The following DPY19L2 variants were observed in gnomAD, a reference collection of about 807,000 sequenced individuals.
DPY19L2 encodes the protein dpy-19 like 2, also known as probable C-mannosyltransferase DPY19L2.
DPY19L2 carries 34 observed loss-of-function variants against 97.9 expected under a neutral mutation model. That is an observed-to-expected ratio of 0.35 (90% CI 0.26 to 0.46). DPY19L2 has a LOEUF of 0.46. Among genes scored for constraint, DPY19L2 ranks in the 20% least tolerant of loss-of-function variants. The pLI is 1.00. For missense variants in DPY19L2, 623 were observed against 911.4 expected (o/e 0.68, Z 4.07); for synonymous variants, 230 against 307.9 (o/e 0.75, Z 2.65).
At chr12:63,578,527 T>G (rs1219306410) in intron 19 of DPY19L2, among the ~76,000 whole-genome samples, 1 of 152,144 alleles carries the variant, frequency 6.6e-6, no homozygotes, top group Non-Finnish European at 1.5e-5. Context: ...CCTGATGTGA[T>G]GATTACACAT....
intron 4 of DPY19L2, among the ~76,000 whole-genome samples, chr12:63,660,619 A>G (rs1392404926): frequency 1.3e-5 from 2 of 152,036 alleles, no homozygotes; most frequent in African/African-American, 4.8e-5. Flanking sequence ...GATCACACAT[A>G]TTTGAATATT....
In DPY19L2 at chr12:63,580,661, C is replaced by A; in HGVS notation, c.1900+1G>T. The A allele has an allele frequency of 6.2e-7, 1 of 1,608,276 alleles. No individual in the cohort carries two copies. Among genetic ancestry groups the A allele is most frequent in the Non-Finnish European group, 8.5e-7 (1 of 1,177,672 alleles). ...TAGCATATAACCAAATACCTACACA[C>A]CTGATGTGGTACTGTATTTGATCCA... On this transcript the variant is annotated splice_donor_variant, in intron 19 of 21. Transcript: ENST00000324472. LOFTEE classifies it high-confidence loss of function.
chr12:63,636,007 A>C (rs1455366562), intron 6 of DPY19L2, among the ~76,000 whole-genome samples: 2 of 152,138 alleles, frequency 1.3e-5, no homozygotes, highest in Non-Finnish European at 2.9e-5. Context: ...TGCAGGAAAA[A>C]ATGTAAAGGG....
intron 13 of DPY19L2, 136 bp downstream of exon 13, chr12:63,600,170 G>A: frequency 1.6e-6 from 1 of 615,490 alleles, no homozygotes; most frequent in Non-Finnish European, 2.8e-6. Context: ...TATTGACTCT[G>A]CCAATAACTC....
chr12:63,617,688 T>C (rs935881520), intron 10 of DPY19L2, among the ~76,000 whole-genome samples: 1 of 152,034 alleles, frequency 6.6e-6, no homozygotes, highest in Non-Finnish European at 1.5e-5. Context: ...GACTTAGTTA[T>C]AAATACCAGT....
intron 6 of DPY19L2, among the ~76,000 whole-genome samples, chr12:63,637,320 A>T (rs1891894347): frequency 6.6e-6 from 1 of 152,184 alleles, no homozygotes; most frequent in Admixed American, 6.5e-5. Context: ...CTAAATGCCC[A>T]CAAGAGAAAG....
intron 6 of DPY19L2, among the ~76,000 whole-genome samples, chr12:63,634,303 T>C (rs1200429107): frequency 6.6e-6 from 1 of 151,996 alleles, no homozygotes; most frequent in Non-Finnish European, 1.5e-5. Context: ...GGTAATAACA[T>C]GTAAGATATG....
chr12:63,616,370 T>G (rs546961710), intron 11 of DPY19L2, among the ~76,000 whole-genome samples: 190 of 152,214 alleles, frequency 1.2e-3, no homozygotes, highest in African/African-American at 3.9e-3. Flanking sequence ...GAAAGAGCAT[T>G]TTTTCTGGGA....
intron 11 of DPY19L2, among the ~76,000 whole-genome samples, chr12:63,612,715 G>A (rs1360632785): frequency 6.7e-6 from 1 of 150,132 alleles, no homozygotes; most frequent in Non-Finnish European, 1.5e-5. Flanking sequence ...AAAAGCAGTA[G>A]AGCAAATCAA....
chr12:63,665,716 G>C, intron 2 of DPY19L2, 119 bp downstream of exon 2: 4 of 816,492 alleles, frequency 4.9e-6, no homozygotes, highest in Admixed American at 3.0e-5. Flanking sequence ...GTATAAATTG[G>C]TGCACATAAA....
At chr12:63,594,021 A>G in intron 16 of DPY19L2, 66 bp downstream of exon 16, 12 of 1,154,888 alleles carry the variant, frequency 1.0e-5, no homozygotes, top group Non-Finnish European at 1.5e-5. Context: ...TTGAAAAATT[A>G]ATGTTACAGT....
At chr12:63,583,668 T>G in intron 17 of DPY19L2, 144 bp downstream of exon 17, 3 of 647,758 alleles carry the variant, frequency 4.6e-6, no homozygotes, top group Non-Finnish European at 8.0e-6. Flanking sequence ...GATGAAAGAG[T>G]GAGAAGGATC....
chr12:63,626,525 C>T lies in DPY19L2; in HGVS notation c.805G>A (p.Gly269Arg), dbSNP rs777119506. 6.7e-7 allele frequency: 1 copy of T among 1,501,978 alleles called. No homozygotes were observed. The highest frequency in any genetic ancestry group is 8.9e-7 in the Non-Finnish European group (1 of 1,124,006). The allele number at this position is 1,501,978 out of a possible 1,614,324, so 93.0% of individuals were successfully genotyped here. ...GTAATAAGACCTCCCAGTTGAGTCC[C>T]ACTGTAAAAAAAAAACAAAAAAAAC... Reference protein sequence around the residue: ...LFFMYGAYLSGTQLGGLITVL... With the variant: ...LFFMYGAYLSRTQLGGLITVL... Residue 269 changes from glycine to arginine, a missense_variant and splice_region_variant, in exon 7 of 22, where the codon GGG becomes AGG. By Grantham distance (125) the Gly-to-Arg change is moderately radical. This residue lies in a region of DPY19L2 where 67 missense variants were observed against 88.0 expected (regional missense o/e 0.76). Coordinates refer to ENST00000324472, the MANE Select transcript of DPY19L2 (RefSeq NM_173812.5).
intron 4 of DPY19L2, among the ~76,000 whole-genome samples, chr12:63,651,014 C>T (rs960010939): frequency 6.6e-6 from 1 of 152,120 alleles, no homozygotes. Context: ...TATTTCAAGG[C>T]TACAATAACC....
chr12:63,585,792 C>T (rs1399779511), intron 16 of DPY19L2, among the ~76,000 whole-genome samples: 2 of 152,098 alleles, frequency 1.3e-5, no homozygotes, highest in African/African-American at 4.8e-5. Context: ...TCTCATGAAA[C>T]AGCCAATGCA....
chr12:63,633,858 A>G (rs1891152512), intron 6 of DPY19L2, among the ~76,000 whole-genome samples: 1 of 152,190 alleles, frequency 6.6e-6, no homozygotes, highest in Non-Finnish European at 1.5e-5. Flanking sequence ...TGTGGCACAT[A>G]TACACCATGG....
intron 16 of DPY19L2, among the ~76,000 whole-genome samples, chr12:63,585,288 G>T (rs577244465): frequency 6.6e-6 from 1 of 152,250 alleles, no homozygotes; most frequent in South Asian, 2.1e-4. Context: ...GATTTTGGGG[G>T]TGAAGAGAGA....
intron 3 of DPY19L2, among the ~76,000 whole-genome samples, chr12:63,662,811 T>G (rs902902458): frequency 6.6e-6 from 1 of 152,202 alleles, no homozygotes; most frequent in Non-Finnish European, 1.5e-5. Context: ...TATGTTAATG[T>G]ATCCAATGCT....
At chr12:63,590,645 GA>G (rs1882733357) in intron 16 of DPY19L2, among the ~76,000 whole-genome samples, 1 of 151,918 alleles carries the variant, frequency 6.6e-6, no homozygotes, top group African/African-American at 2.4e-5. Flanking sequence ...AGAATAAGAA[GA>G]ATACAATTCT....
Sources: gnomAD v4.1 joint callset for allele counts (sites outside exome capture counted in the v4.1 genomes callset) on GRCh38, gnomAD v4.1.1 for gene constraint, gnomAD v4.1.1 regional missense constraint, MANE v1.5 for transcripts, NCBI Gene and HGNC (gene_info 2026-07-23, HGNC 2026-07-21) for gene names.